Variants in RBFOX1 observed in about 807,000 individuals in gnomAD.
RBFOX1 encodes RNA binding fox-1 homolog 1.
A neutral mutation model predicts 57.7 loss-of-function variants in RBFOX1; 8 were observed. The ratio of observed to expected loss-of-function variants is 0.14; its 90% CI spans 0.08 to 0.25. RBFOX1 has a LOEUF of 0.25. Ranked by LOEUF, RBFOX1 falls within the 10% of genes least tolerant of loss-of-function variation. The pLI, the probability that RBFOX1 is intolerant of heterozygous loss-of-function variation, is 1.00. For synonymous variants in RBFOX1, 326 were observed against 222.4 expected, an observed-to-expected ratio of 1.47 and a Z score of -4.15; for missense variants, 611 against 548.5, an observed-to-expected ratio of 1.11 and a Z score of -1.14.
intron 2 of RBFOX1, among the ~76,000 whole-genome samples, chr16:5,476,028 C>T (rs1425415757): frequency 6.6e-6 from 1 of 152,112 alleles, no homozygotes; most frequent in African/African-American, 2.4e-5. Flanking sequence ...TTATACCAAG[C>T]AGCTCATCCA....
chr16:6,256,175 A>ATATATATGTATATATACGTATATATATG, intron 1 of RBFOX1, among the ~76,000 whole-genome samples: 1 of 28,332 alleles, frequency 3.5e-5, no homozygotes, highest in Admixed American at 5.8e-4. Context: ...ATATATGTAT[A>ATATATATGTATATATACGTATATATATG]TATATATATA....
At chr16:6,543,488 C>T (rs147308467) in intron 2 of RBFOX1, among the ~76,000 whole-genome samples, 2 of 152,104 alleles carry the variant, frequency 1.3e-5, no homozygotes, top group African/African-American at 2.4e-5. Context: ...GTTTGGGAAC[C>T]CACTTGTTCC....
At chr16:5,668,442 C>G (rs889825673) in intron 3 of RBFOX1, among the ~76,000 whole-genome samples, 1 of 152,210 alleles carries the variant, frequency 6.6e-6, no homozygotes. Context: ...TTCAAAAAGA[C>G]TTCACTGGTA....
At chr16:6,326,026 G>T (rs183722211) in intron 2 of RBFOX1, among the ~76,000 whole-genome samples, 1 of 152,330 alleles carries the variant, frequency 6.6e-6, no homozygotes, top group Non-Finnish European at 1.5e-5. Flanking sequence ...GCGTGAGTGT[G>T]TGTGTGTGTA....
In RBFOX1 at chr16:6,550,074, C is replaced by A. The variant is rs576507286; in HGVS notation, c.-63-104529C>A. ...ATACTTTATGACTGAATCTAAAATG[C>A]TGTTCACTTGTGCCTCCAGCTGAAA... On this transcript the variant is annotated intron_variant, in intron 2 of 15. Coordinates refer to ENST00000550418, the MANE Select transcript of RBFOX1 (RefSeq NM_018723.4). Among the ~76,000 whole-genome samples, 3 of 152,302 alleles carry A rather than the reference C, an allele frequency of 2.0e-5. No individual in the cohort carries two copies. The South Asian group carries it at 6.2e-4, about 32-fold the overall frequency.
intron 5 of RBFOX1, among the ~76,000 whole-genome samples, chr16:7,557,077 A>AT (rs573718668): frequency 4.9e-4 from 75 of 152,086 alleles, no homozygotes. Flanking sequence ...ATGTTGTTTT[A>AT]TTTTTTGCTG....
chr16:5,749,538 C>T lies in RBFOX1; in HGVS notation c.319-117765C>T, dbSNP rs985569931. 2.0e-5 allele frequency among the ~76,000 whole-genome samples: 3 copies of T among 152,306 alleles called. No homozygotes were observed. In the East Asian group the frequency reaches 5.8e-4, roughly 29 times the overall value. ...TAGATTTGGTCTTTTCACATAGTCC[C>T]ATATTTCTTGGAGGCTTTGTTCGTT... On this transcript the variant is annotated intron_variant, in intron 3 of 19. Transcript: ENST00000641259.
intron 14 of RBFOX1, among the ~76,000 whole-genome samples, chr16:7,686,428 A>C (rs888820969): frequency 6.6e-6 from 1 of 152,050 alleles, no homozygotes; most frequent in Non-Finnish European, 1.5e-5. Flanking sequence ...CCACACATGC[A>C]TTAGCTTTGT....
intron 3 of RBFOX1, among the ~76,000 whole-genome samples, chr16:5,756,687 G>T (rs2053409331): frequency 6.6e-6 from 1 of 152,136 alleles, no homozygotes; most frequent in Non-Finnish European, 1.5e-5. Context: ...TCCTCAATTT[G>T]TACTTCATTA....
At chr16:6,535,815 C>G (rs896294933) in intron 2 of RBFOX1, among the ~76,000 whole-genome samples, 56 of 152,322 alleles carry the variant, frequency 3.7e-4, no homozygotes, top group African/African-American at 1.2e-3. Context: ...ATATGTTACA[C>G]AAGCTCAGTT....
At chr16:7,050,915 C>T (rs1411342837) in intron 3 of RBFOX1, among the ~76,000 whole-genome samples, 1 of 151,938 alleles carries the variant, frequency 6.6e-6, no homozygotes, top group Non-Finnish European at 1.5e-5. Context: ...CATAGAAAAG[C>T]ACTGATTTAT....
In RBFOX1 at chr16:5,425,047, C is replaced by G. The variant is rs1174007304; in HGVS notation, c.220-42169C>G. Among the ~76,000 whole-genome samples, 3 of 92,188 alleles carry G rather than the reference C, an allele frequency of 3.3e-5. 1 individual carries two copies. The highest frequency in any genetic ancestry group is 3.6e-4 in the East Asian group (1 of 2,784). The allele number at this position is 92,188 out of a possible 152,430, so 60.5% of individuals were successfully genotyped here. On this transcript the variant is annotated intron_variant, in intron 1 of 2. Coordinates refer to the RBFOX1 transcript ENST00000585867. ...TTCCTCCCTCCCTCCCTCTCTCTCTCTCTCCTTCCTTCCTTTCTTATCTAT... is the reference window on the plus strand; with the variant it reads ...TTCCTCCCTCCCTCCCTCTCTCTCTGTCTCCTTCCTTCCTTTCTTATCTAT...
intron 3 of RBFOX1, among the ~76,000 whole-genome samples, chr16:6,793,986 A>T (rs2083453173): frequency 6.6e-6 from 1 of 152,166 alleles, no homozygotes; most frequent in African/African-American, 2.4e-5. Flanking sequence ...TGTATGATTC[A>T]GTAACTCCAC....
intron 3 of RBFOX1, among the ~76,000 whole-genome samples, chr16:6,743,607 G>T (rs1603499045): frequency 6.6e-6 from 1 of 151,750 alleles, no homozygotes; most frequent in South Asian, 2.1e-4. Flanking sequence ...AGTGAGCATG[G>T]TGGTGCATGT....
chr16:7,689,266 A>G (rs1467579840), intron 14 of RBFOX1, among the ~76,000 whole-genome samples: 1 of 152,078 alleles, frequency 6.6e-6, no homozygotes, highest in African/African-American at 2.4e-5. Context: ...TTTTTCATAC[A>G]TTGGTAATCC....
Position 5,676,474 on chromosome 16 carries a change from G to A in RBFOX1, c.318+77513G>A, listed in dbSNP as rs79070376. Among the ~76,000 whole-genome samples, 268 of 152,206 alleles carry A rather than the reference G, an allele frequency of 1.8e-3. 1 individual carries two copies. Among genetic ancestry groups the A allele is most frequent in the East Asian group, 0.018 (91 of 5,178 alleles). ...TCACTAGCTGTGTGACCTTGAGCAAGTCACTCAACCTCTCTGAGATTCAGT... is the reference window on the plus strand; with the variant it reads ...TCACTAGCTGTGTGACCTTGAGCAAATCACTCAACCTCTCTGAGATTCAGT... On this transcript the variant is annotated intron_variant, in intron 3 of 19. Coordinates refer to the RBFOX1 transcript ENST00000641259.
chr16:6,429,762 G>A (rs1415491266), intron 2 of RBFOX1, among the ~76,000 whole-genome samples: 1 of 152,176 alleles, frequency 6.6e-6, no homozygotes, highest in Admixed American at 6.5e-5. Context: ...CATGTAAGAT[G>A]TGTCTTGCTT....
At chr16:6,516,079 A>C (rs1001288677) in intron 2 of RBFOX1, among the ~76,000 whole-genome samples, 1 of 152,094 alleles carries the variant, frequency 6.6e-6, no homozygotes, top group African/African-American at 2.4e-5. Context: ...CCGGAGCTGG[A>C]GTGCAATGAT....
intron 2 of RBFOX1, chr16:6,577,404 C>A (rs969793036): frequency 2.0e-5 from 3 of 152,090 alleles, no homozygotes; most frequent in Non-Finnish European, 4.4e-5. Flanking sequence ...AATACCAGTC[C>A]CAGTGCTTAG....
Sources: gnomAD v4.1 joint callset for allele counts (sites outside exome capture counted in the v4.1 genomes callset) on GRCh38, gnomAD v4.1.1 for gene constraint, MANE v1.5 for transcripts, NCBI Gene and HGNC (gene_info 2026-07-23, HGNC 2026-07-21) for gene names.